Variants in SPI1 observed in about 807,000 individuals in gnomAD.
SPI1 encodes transcription factor PU.1.
In SPI1, 3 loss-of-function variants were observed where a neutral mutation model predicts 30.7. The observed-to-expected ratio is 0.10, with a 90% CI of 0.04 to 0.25. The LOEUF (loss-of-function observed/expected upper bound fraction) is 0.25, where lower values mean the gene tolerates loss of function less well. SPI1 is among the 10% of genes least tolerant of loss of function. The pLI is 1.00. For missense variants in SPI1, 261 were observed against 371.5 expected (o/e 0.70, Z 2.45); for synonymous variants, 169 against 157.1 (o/e 1.08, Z -0.56).
chr11:47,371,736 A>T (rs188879358), intron 2 of SPI1, among the ~76,000 whole-genome samples: 529 of 152,188 alleles, frequency 3.5e-3, no homozygotes, highest in Middle Eastern at 0.01. Flanking sequence ...AAGGTTATTC[A>T]GATCATGGTC....
intron 4 of SPI1, among the ~76,000 whole-genome samples, chr11:47,357,275 TCA>T (rs1438241171): frequency 2.6e-5 from 2 of 78,250 alleles, no homozygotes; most frequent in East Asian, 3.9e-4. Flanking sequence ...TGCTCACACC[TCA>T]CAGCTGCTCA....
At position 47,375,880 on chromosome 11, in the gene SPI1, G is replaced by C; in HGVS notation, c.46-151C>G. 2 of 710,996 alleles carry C rather than the reference G, an allele frequency of 2.8e-6. No individual in the cohort carries two copies. Among genetic ancestry groups the C allele is most frequent in the South Asian group, 1.5e-5 (1 of 65,072 alleles). The allele number at this position is 710,996 out of a possible 1,614,324, so 44.0% of individuals were successfully genotyped here. A position where few individuals can be genotyped will look rare whatever the true frequency, so the allele number is the denominator to read the frequency against. On this transcript the variant is annotated intron_variant, in intron 1 of 4. Transcript: ENST00000378538. This position sits in a 1 kb window ranked among gnomAD's most constrained non-coding sequence, Gnocchi z 4.2. The stretch of plus-strand genomic sequence containing the variant: ...TCCCTCTGCCTGGAACTGGGACAGA[G>C]AGTGGGGCAGGGGACCCAGAAGGCC...
chr11:47,372,166 G>A (rs184219659), intron 2 of SPI1, among the ~76,000 whole-genome samples: 4 of 150,622 alleles, frequency 2.7e-5, no homozygotes, highest in South Asian at 2.1e-4. Flanking sequence ...GTTCAGTGGC[G>A]CGATCTCAGC....
At chr11:47,358,747 CGGT>C (rs1335995744) in intron 4 of SPI1, 94 bp downstream of exon 4, 29 of 1,226,900 alleles carry the variant, frequency 2.4e-5, no homozygotes, top group South Asian at 1.7e-4. Context: ...ACACGCGACT[CGGT>C]GGCGTGGCTG....
At chr11:47,356,418 A>G (rs555046533) in intron 4 of SPI1, among the ~76,000 whole-genome samples, 1 of 145,152 alleles carries the variant, frequency 6.9e-6, no homozygotes, top group East Asian at 2.1e-4. Flanking sequence ...CACCCACCCA[A>G]TGCACCCACT....
intron 4 of SPI1, among the ~76,000 whole-genome samples, chr11:47,356,324 T>G (rs2095909139): frequency 8.3e-6 from 1 of 120,488 alleles, no homozygotes; most frequent in Non-Finnish European, 1.7e-5. Flanking sequence ...TGCATCTGCT[T>G]ACACATTCAC....
At chr11:47,372,248 G>T (rs367724528) in intron 2 of SPI1, among the ~76,000 whole-genome samples, 1 of 152,054 alleles carries the variant, frequency 6.6e-6, no homozygotes, top group African/African-American at 2.4e-5. Context: ...AGGAGTACAA[G>T]TGGGCACCAC....
rs1382259281 is a variant in SPI1, at chr11:47,359,263, G to A, written c.331-257C>T. On this transcript the variant is annotated intron_variant, in intron 3 of 4. Transcript: ENST00000378538. The surrounding 1 kb of genome is among the most constrained non-coding windows in gnomAD (Gnocchi z 5.1). ...CTGGGCCTCCTGGTTTAGGACTGTGGGCACCGGGGAAGTGGTGCCTTGTTC... is the reference window on the plus strand; with the variant it reads ...CTGGGCCTCCTGGTTTAGGACTGTGAGCACCGGGGAAGTGGTGCCTTGTTC... 6.6e-6 allele frequency among the ~76,000 whole-genome samples: 1 copy of A among 152,160 alleles called. No homozygotes were observed. Among genetic ancestry groups the A allele is most frequent in the Non-Finnish European group, 1.5e-5 (1 of 68,026 alleles).
Position 47,375,708 on chromosome 11 carries a change from A to G in SPI1, c.67T>C (p.Tyr23His). 1 of 1,613,814 alleles carries G rather than the reference A, an allele frequency of 6.2e-7. No homozygotes were observed. Among genetic ancestry groups the G allele is most frequent in the Non-Finnish European group, 8.5e-7 (1 of 1,179,872 alleles). The change falls in exon 2 of 5, where the codon TAT becomes CAT. Residue 23 changes from tyrosine (Y) to histidine (H), a missense_variant. By Grantham distance (83) the Tyr-to-His change is moderately conservative (BLOSUM62 2). Coordinates refer to ENST00000378538, the MANE Select transcript of SPI1 (RefSeq NM_003120.3). The surrounding 1 kb of genome is among the most constrained non-coding windows in gnomAD (Gnocchi z 4.2). ...TGGCGTTGGTATAGATCCGTGTCAT[A>G]GGGCACCAGGTCTTCTGATGGCTGC... ...VPPPSEDLVPYDTDLYQRQTH... is the reference protein window; with the variant it reads ...VPPPSEDLVPHDTDLYQRQTH...
At chr11:47,378,220 G>A (rs2095944914) in intron 1 of SPI1, 89 bp downstream of exon 1, 1 of 1,370,392 alleles carries the variant, frequency 7.3e-7, no homozygotes, top group African/African-American at 1.4e-5. Flanking sequence ...CAAGCCAGGA[G>A]GGCAGTGGGT....
chr11:47,358,251 C>T, intron 4 of SPI1: 1 of 425,252 alleles, frequency 2.4e-6, no homozygotes, highest in East Asian at 4.3e-5. Context: ...CACACATATA[C>T]ACTTGCTCAC....
chr11:47,368,675 A>T (rs1459867955), intron 2 of SPI1, among the ~76,000 whole-genome samples: 6 of 152,236 alleles, frequency 3.9e-5, no homozygotes, highest in African/African-American at 1.4e-4. Context: ...TAAAAGAACA[A>T]ATACTGTGTG....
rs373562594 is a variant in SPI1, at chr11:47,375,703, G to A, written c.72C>T (p.Asp24=). 1.1e-5 allele frequency: 18 copies of A among 1,613,928 alleles called. No individual in the cohort carries two copies. The highest frequency in any genetic ancestry group is 1.5e-5 in the Non-Finnish European group (18 of 1,179,914). ...PPPSEDLVPY[D]TDLYQRQTHE... ...GCGTTTGGCGTTGGTATAGATCCGT[G>A]TCATAGGGCACCAGGTCTTCTGATG... is the stretch of plus-strand genomic sequence containing the variant. The change falls in exon 2 of 5, where the codon GAC becomes GAT. Residue 24 remains aspartate (D), a synonymous_variant. Coordinates refer to ENST00000378538, the MANE Select transcript of SPI1 (RefSeq NM_003120.3). The surrounding 1 kb of genome is among the most constrained non-coding windows in gnomAD (Gnocchi z 4.2).
intron 1 of SPI1, 126 bp downstream of exon 1, chr11:47,378,183 G>A: frequency 7.8e-6 from 8 of 1,031,950 alleles, no homozygotes; most frequent in Non-Finnish European, 1.0e-5. Context: ...GAGTTCCAGG[G>A]AGGAAACCCT....
intron 2 of SPI1, among the ~76,000 whole-genome samples, chr11:47,362,495 C>A (rs2095922197): frequency 6.6e-6 from 1 of 151,954 alleles, no homozygotes; most frequent in Non-Finnish European, 1.5e-5. Flanking sequence ...TCGTTTGAAC[C>A]CAGGAGTTTG....
chr11:47,377,181 C>T (rs559538203), intron 1 of SPI1, among the ~76,000 whole-genome samples: 1 of 152,298 alleles, frequency 6.6e-6, no homozygotes, highest in East Asian at 1.9e-4. Flanking sequence ...CTCTGGGTTT[C>T]CAGGTAGTAC....
rs527574031 is a variant in SPI1 at position 47,375,020 on chromosome 11, A to T, written c.142+613T>A. Among the ~76,000 whole-genome samples, 3 of 152,296 alleles carry T rather than the reference A, an allele frequency of 2.0e-5. No homozygotes were observed. The highest frequency in any genetic ancestry group is 7.2e-5 in the African/African-American group (3 of 41,560). The stretch of plus-strand genomic sequence containing the variant: ...CGGGGGGATCTGCCAATGGGTGGAG[A>T]CATTTTTGGTTGTCATGATTGGCCA... On this transcript the variant is annotated intron_variant, in intron 2 of 4. Transcript: ENST00000378538. This position sits in a 1 kb window ranked among gnomAD's most constrained non-coding sequence, Gnocchi z 4.2.
At position 47,378,055 on chromosome 11, in the gene SPI1, C is replaced by T. The variant is rs147911954; in HGVS notation, c.45+254G>A. Among the ~76,000 whole-genome samples, 518 of 152,372 alleles carry T rather than the reference C, an allele frequency of 3.4e-3. 3 individuals carry two copies. Among genetic ancestry groups the T allele is most frequent in the Non-Finnish European group, 5.8e-3 (398 of 68,040 alleles). On this transcript the variant is annotated intron_variant, in intron 1 of 4. Coordinates refer to ENST00000378538, the MANE Select transcript of SPI1 (RefSeq NM_003120.3). ...CCCGGCCTCCGCCTGCCACCCGAGC[C>T]CTGTCTATAAATAACTGTTCAGGCC...
chr11:47,376,826 C>T (rs2095943039), intron 1 of SPI1, among the ~76,000 whole-genome samples: 1 of 152,118 alleles, frequency 6.6e-6, no homozygotes, highest in Non-Finnish European at 1.5e-5. Flanking sequence ...CCGGGGCTGC[C>T]TTGGGAGCCC....
Sources: gnomAD v4.1 joint callset for allele counts (sites outside exome capture counted in the v4.1 genomes callset) on GRCh38, gnomAD v4.1.1 for gene constraint, Gnocchi (gnomAD v3.1) non-coding constraint, MANE v1.5 for transcripts, NCBI Gene and HGNC (gene_info 2026-07-23, HGNC 2026-07-21) for gene names.